Variants in GALNT17 observed in about 807,000 individuals in gnomAD.
GALNT17 encodes polypeptide N-acetylgalactosaminyltransferase 17.
Under a neutral mutation model 63.7 loss-of-function variants are expected in GALNT17, and 29 were observed. That is an observed-to-expected ratio of 0.46 (90% confidence interval 0.34 to 0.62). The LOEUF (loss-of-function observed/expected upper bound fraction) is 0.62. GALNT17 is among the 20% of genes least tolerant of loss of function. The pLI is 0.01. For synonymous variants in GALNT17, 305 were observed against 318.3 expected, an observed-to-expected ratio of 0.96 and a Z score of 0.45; for missense variants, 603 against 799.6, an observed-to-expected ratio of 0.75 and a Z score of 2.97.
chr7:71,600,708 G>A lies in GALNT17; in HGVS notation c.1080+29306G>A, dbSNP rs952036928. On this transcript the variant is annotated intron_variant, in intron 6 of 10. Transcript: ENST00000333538. ...GGACCTAAAGGAGCTGATTAGAGGG[G>A]TTTGTACCTTGGAGAGTAATTTTGG... 3.3e-4 allele frequency among the ~76,000 whole-genome samples: 50 copies of A among 152,134 alleles called. 1 individual carries two copies. The highest frequency in any genetic ancestry group is 6.5e-4 in the Non-Finnish European group (44 of 68,010).
chr7:71,607,567 C>T (rs1790064880), intron 6 of GALNT17, among the ~76,000 whole-genome samples: 1 of 152,074 alleles, frequency 6.6e-6, no homozygotes, highest in Admixed American at 6.6e-5. Context: ...AAACATGACA[C>T]GTACTATTTG....
rs6460653 is a variant in GALNT17, at chr7:71,333,949, C to G, written c.239-1601C>G. Among the ~76,000 whole-genome samples the G allele has an allele frequency of 1.6e-4, 24 of 151,524 alleles. No individual in the cohort carries two copies. In the South Asian group the frequency reaches 5.0e-3, roughly 31 times the overall value. On this transcript the variant is annotated intron_variant, in intron 1 of 10. Coordinates refer to ENST00000333538, the MANE Select transcript of GALNT17 (RefSeq NM_022479.3). ...TCTTTGTGGAGTTTTGAGCAGAGTT[C>G]AGGGGTTGTCATTTGAAGATGTGTT...
chr7:71,178,188 T>G (rs1395914239), intron 1 of GALNT17, among the ~76,000 whole-genome samples: 2 of 152,220 alleles, frequency 1.3e-5, no homozygotes, highest in African/African-American at 4.8e-5. Context: ...TATACAGAAT[T>G]CTGGGTTGAC....
chr7:71,424,713 T>A (rs1429255206), intron 5 of GALNT17, among the ~76,000 whole-genome samples: 1 of 152,224 alleles, frequency 6.6e-6, no homozygotes, highest in Non-Finnish European at 1.5e-5. Context: ...TGAATTTTTA[T>A]GGTCCTTCTG....
intron 5 of GALNT17, among the ~76,000 whole-genome samples, chr7:71,455,166 CAAA>C (rs535222662): frequency 1.6e-5 from 2 of 127,534 alleles, no homozygotes. Flanking sequence ...AATCTTGTTT[CAAA>C]AAAAAAAAAA....
At chr7:71,652,369 A>T (rs1790766304) in intron 6 of GALNT17, among the ~76,000 whole-genome samples, 1 of 152,198 alleles carries the variant, frequency 6.6e-6, no homozygotes, top group African/African-American at 2.4e-5. Flanking sequence ...AAAGGACTTT[A>T]GGAGGAAAGC....
At chr7:71,162,956 A>C (rs1788375171) in intron 1 of GALNT17, among the ~76,000 whole-genome samples, 1 of 152,198 alleles carries the variant, frequency 6.6e-6, no homozygotes, top group African/African-American at 2.4e-5. Flanking sequence ...TGGAAGACGC[A>C]CTGTGGAGGA....
At chr7:71,267,465 A>G (rs998150336) in intron 1 of GALNT17, among the ~76,000 whole-genome samples, 2 of 152,112 alleles carry the variant, frequency 1.3e-5, no homozygotes, top group South Asian at 4.1e-4. Flanking sequence ...TTCATCAAGG[A>G]GGAATAATTC....
At chr7:71,259,311 C>T (rs1472986233) in intron 1 of GALNT17, among the ~76,000 whole-genome samples, 1 of 152,178 alleles carries the variant, frequency 6.6e-6, no homozygotes, top group Non-Finnish European at 1.5e-5. Context: ...GGGGATGGCA[C>T]TTTCCTGTTT....
Position 71,359,192 on chromosome 7 carries a change from A to G in GALNT17, c.422+23459A>G, listed in dbSNP as rs1052305924. On this transcript the variant is annotated intron_variant, in intron 2 of 10. Transcript: ENST00000333538. ...ACCTCAGGTTGGATACTTTATAAAG[A>G]AAAGAGGTCTAACTGGCTCACAGTT... Among the ~76,000 whole-genome samples, 5 of 152,258 alleles carry G rather than the reference A, an allele frequency of 3.3e-5. No individual in the cohort carries two copies. In the South Asian group the frequency reaches 1.0e-3, roughly 32 times the overall value.
chr7:71,344,343 T>C (rs920434802), intron 2 of GALNT17, among the ~76,000 whole-genome samples: 2 of 152,126 alleles, frequency 1.3e-5, no homozygotes, highest in African/African-American at 4.8e-5. Flanking sequence ...ACTCCATGGC[T>C]CAGGGGACAG....
At chr7:71,635,993 T>A (rs570845383) in intron 6 of GALNT17, among the ~76,000 whole-genome samples, 24 of 152,270 alleles carry the variant, frequency 1.6e-4, no homozygotes, top group African/African-American at 5.8e-4. Context: ...TCCTGTCTCA[T>A]CCTGTGACTA....
At chr7:71,331,789 C>T (rs1012864356) in intron 1 of GALNT17, among the ~76,000 whole-genome samples, 40 of 152,076 alleles carry the variant, frequency 2.6e-4, no homozygotes, top group Admixed American at 1.4e-3. Flanking sequence ...GTAATAATAC[C>T]TTCCCCCTGA....
chr7:71,708,132 A>ATT (rs778813773), intron 9 of GALNT17, among the ~76,000 whole-genome samples: 1 of 152,084 alleles, frequency 6.6e-6, no homozygotes, highest in Non-Finnish European at 1.5e-5. Context: ...CTACCCATGA[A>ATT]TTTTTTGTTT....
intron 6 of GALNT17, among the ~76,000 whole-genome samples, chr7:71,614,782 GAGAAAC>G (rs1398778812): frequency 3.3e-5 from 5 of 150,186 alleles, no homozygotes; most frequent in South Asian, 4.2e-4. Context: ...AACAGAGAAA[GAGAAAC>G]AGAGAAAGAG....
chr7:71,201,388 G>A (rs1789168953), intron 1 of GALNT17, among the ~76,000 whole-genome samples: 1 of 151,402 alleles, frequency 6.6e-6, no homozygotes. Flanking sequence ...GATATTTATT[G>A]AGTGAATGAA....
intron 6 of GALNT17, among the ~76,000 whole-genome samples, chr7:71,636,425 G>A (rs1790529460): frequency 1.3e-5 from 2 of 152,156 alleles, no homozygotes; most frequent in Non-Finnish European, 2.9e-5. Flanking sequence ...TAGGGGAAGG[G>A]CCACATCTCC....
intron 1 of GALNT17, among the ~76,000 whole-genome samples, chr7:71,181,989 A>G (rs1292286404): frequency 6.6e-6 from 1 of 152,124 alleles, no homozygotes; most frequent in African/African-American, 2.4e-5. Flanking sequence ...CAGCCTGACC[A>G]ATATGGAGAA....
intron 1 of GALNT17, among the ~76,000 whole-genome samples, chr7:71,214,115 G>T (rs1028620154): frequency 3.9e-5 from 6 of 152,188 alleles, no homozygotes; most frequent in Non-Finnish European, 7.3e-5. Flanking sequence ...CCCTTCCCAT[G>T]AGTGCCCTTG....
Sources: allele counts gnomAD v4.1 joint callset (sites outside exome capture counted in the v4.1 genomes callset), GRCh38; gene constraint gnomAD v4.1.1; transcripts MANE v1.5; gene names NCBI Gene and HGNC (gene_info 2026-07-23, HGNC 2026-07-21).